The following PPFIA2 variants were observed in gnomAD, a reference collection of about 807,000 sequenced individuals.
PPFIA2 encodes liprin-alpha-2.
PPFIA2 carries 46 observed loss-of-function variants against 175.5 expected under a neutral mutation model. The ratio of observed to expected loss-of-function variants is 0.26; its 90% CI spans 0.21 to 0.34. The LOEUF (loss-of-function observed/expected upper bound fraction) is 0.34, where lower values mean the gene tolerates loss of function less well. Among genes scored for constraint, PPFIA2 ranks in the 10% least tolerant of loss-of-function variants. The pLI, the probability that PPFIA2 is intolerant of heterozygous loss-of-function variation, is 1.00. For missense variants in PPFIA2, 1,179 were observed against 1,506.1 expected (o/e 0.78, Z 3.60); for synonymous variants, 568 against 511.4 (o/e 1.11, Z -1.49).
chr12:81,551,129 C>T (rs930927709), intron 4 of PPFIA2, among the ~76,000 whole-genome samples: 1 of 151,920 alleles, frequency 6.6e-6, no homozygotes, highest in African/African-American at 2.4e-5. Context: ...GAAATGTACG[C>T]TCAGAATTTG....
Position 81,445,552 on chromosome 12 carries a change from A to G in PPFIA2, c.570+4T>C, listed in dbSNP as rs759328606. ...TAAGCTTGAACTCTTTTTCCATACT[A>G]TACCTTTTCATCCAAGGCCTTGTGG... On this transcript the variant is annotated splice_donor_region_variant and intron_variant, in intron 6 of 32. Transcript: ENST00000549396. 6 of 1,612,278 alleles carry G rather than the reference A, an allele frequency of 3.7e-6. No individual in the cohort carries two copies. In the East Asian group the frequency reaches 1.1e-4, roughly 30 times the overall value.
At chr12:81,310,590 T>A (rs1384650350) in intron 22 of PPFIA2, among the ~76,000 whole-genome samples, 1 of 152,132 alleles carries the variant, frequency 6.6e-6, no homozygotes, top group Non-Finnish European at 1.5e-5. Flanking sequence ...TTAAAAATCA[T>A]TAGAAAACAG....
At chr12:81,579,369 G>A (rs926353630) in intron 4 of PPFIA2, among the ~76,000 whole-genome samples, 2 of 151,678 alleles carry the variant, frequency 1.3e-5, no homozygotes, top group African/African-American at 2.4e-5. Flanking sequence ...TTATTGTAGT[G>A]GATAATTTAA....
chr12:81,350,153 T>C (rs1222986563), intron 17 of PPFIA2, among the ~76,000 whole-genome samples: 3 of 152,174 alleles, frequency 2.0e-5, no homozygotes, highest in Non-Finnish European at 2.9e-5. Flanking sequence ...TTGATCTCTT[T>C]GGTGCAAATA....
chr12:81,520,520 A>C (rs2062992417), intron 4 of PPFIA2, among the ~76,000 whole-genome samples: 1 of 152,232 alleles, frequency 6.6e-6, no homozygotes, highest in Non-Finnish European at 1.5e-5. Flanking sequence ...TGCAATAAAC[A>C]CTTGTTCTTT....
chr12:81,377,343 C>T (rs1240984346), intron 9 of PPFIA2, among the ~76,000 whole-genome samples: 2 of 152,024 alleles, frequency 1.3e-5, no homozygotes, highest in East Asian at 1.9e-4. Flanking sequence ...GTCAGGAGTT[C>T]GAGACCAGCC....
At chr12:81,636,263 A>ATTT (rs147916617) in intron 4 of PPFIA2, among the ~76,000 whole-genome samples, 1,506 of 117,322 alleles carry the variant, frequency 0.013, 36 homozygotes, top group Admixed American at 0.065. Context: ...TAACTCTCTG[A>ATTT]TTTTTTTTTT....
intron 3 of PPFIA2, among the ~76,000 whole-genome samples, chr12:81,683,959 G>A (rs1217668186): frequency 6.6e-6 from 1 of 151,976 alleles, no homozygotes; most frequent in African/African-American, 2.4e-5. Flanking sequence ...AGCTCTCATG[G>A]GAACTAATAA....
intron 8 of PPFIA2, among the ~76,000 whole-genome samples, chr12:81,389,407 C>T (rs1332066512): frequency 1.3e-5 from 2 of 151,744 alleles, no homozygotes; most frequent in South Asian, 2.1e-4. Flanking sequence ...AAATAAAACG[C>T]TTTTAAAATG....
At chr12:81,654,275 A>AT (rs1179311422) in intron 4 of PPFIA2, among the ~76,000 whole-genome samples, 2 of 151,974 alleles carry the variant, frequency 1.3e-5, no homozygotes, top group African/African-American at 2.4e-5. Flanking sequence ...TTTTATACTG[A>AT]TTTTTTTTCT....
chr12:81,339,436 T>C (rs1001598026), intron 20 of PPFIA2, 102 bp from the exon 21 acceptor site: 1 of 965,482 alleles, frequency 1.0e-6, no homozygotes, highest in Non-Finnish European at 1.4e-6. Context: ...AGACTTGTAA[T>C]GTTGTTTTTT....
intron 22 of PPFIA2, among the ~76,000 whole-genome samples, chr12:81,310,994 C>A (rs1484488372): frequency 6.6e-6 from 1 of 152,144 alleles, no homozygotes; most frequent in Non-Finnish European, 1.5e-5. Context: ...TCATTGCAGT[C>A]ATTTTATTGA....
At chr12:81,379,580 T>G (rs2037178282) in intron 9 of PPFIA2, among the ~76,000 whole-genome samples, 1 of 152,148 alleles carries the variant, frequency 6.6e-6, no homozygotes, top group African/African-American at 2.4e-5. Context: ...TCATTATCCA[T>G]ACACAATTAA....
chr12:81,754,962 A>G (rs182864443), intron 2 of PPFIA2, among the ~76,000 whole-genome samples: 1 of 152,214 alleles, frequency 6.6e-6, no homozygotes, highest in Non-Finnish European at 1.5e-5. Flanking sequence ...AAACTGAGGT[A>G]TATAAATTTG....
chr12:81,599,790 C>G (rs2059610061), intron 4 of PPFIA2, among the ~76,000 whole-genome samples: 1 of 151,864 alleles, frequency 6.6e-6, no homozygotes, highest in Non-Finnish European at 1.5e-5. Context: ...GACAGCTTTT[C>G]TTTGTTTCTC....
intron 9 of PPFIA2, among the ~76,000 whole-genome samples, chr12:81,382,098 A>G (rs1267028041): frequency 6.6e-6 from 1 of 152,160 alleles, no homozygotes; most frequent in Non-Finnish European, 1.5e-5. Flanking sequence ...ATAAGCAAAC[A>G]AAAGAAGAGG....
chr12:81,574,783 A>G (rs958977237), intron 4 of PPFIA2, among the ~76,000 whole-genome samples: 16 of 151,696 alleles, frequency 1.1e-4, no homozygotes, highest in African/African-American at 3.4e-4. Flanking sequence ...ACAAAGTCCT[A>G]ATTTAACTGA....
At chr12:81,608,638 T>C (rs911528716) in intron 4 of PPFIA2, among the ~76,000 whole-genome samples, 1 of 152,114 alleles carries the variant, frequency 6.6e-6, no homozygotes, top group African/African-American at 2.4e-5. Context: ...TCAGTTGTAA[T>C]GTCATCTTTA....
intron 4 of PPFIA2, among the ~76,000 whole-genome samples, chr12:81,625,339 G>A (rs1409286774): frequency 1.3e-5 from 2 of 151,792 alleles, no homozygotes; most frequent in Admixed American, 6.6e-5. Flanking sequence ...CAAATATGTC[G>A]AGGTTGTCTA....
Sources: allele counts gnomAD v4.1 joint callset (sites outside exome capture counted in the v4.1 genomes callset), GRCh38; gene constraint gnomAD v4.1.1; transcripts MANE v1.5; gene names NCBI Gene and HGNC (gene_info 2026-07-23, HGNC 2026-07-21).